The following SPEF2 variants were observed in gnomAD, a reference collection of about 807,000 sequenced individuals.
The protein encoded by SPEF2 is sperm flagella and cilia-associated protein 2.
A neutral mutation model predicts 224.6 loss-of-function variants in SPEF2; 187 were observed. The ratio of observed to expected loss-of-function variants is 0.83; its 90% confidence interval spans 0.74 to 0.94. SPEF2 has a LOEUF of 0.94. Ranked by LOEUF, SPEF2 falls within the 40% of genes least tolerant of loss-of-function variation. The pLI, the probability that SPEF2 is intolerant of heterozygous loss-of-function variation, is 0.00. For missense variants in SPEF2, 2,170 were observed against 2,135.6 expected, an observed-to-expected ratio of 1.02 and a Z score of -0.32; for synonymous variants, 715 against 707.3, an observed-to-expected ratio of 1.01 and a Z score of -0.17.
intron 21 of SPEF2, among the ~76,000 whole-genome samples, chr5:35,734,187 TG>T (rs1746137344): frequency 6.6e-6 from 1 of 152,110 alleles, no homozygotes; most frequent in Admixed American, 6.5e-5. Context: ...GTTCAGAAAC[TG>T]GGTCTTACCC....
intron 32 of SPEF2, among the ~76,000 whole-genome samples, chr5:35,794,594 ACT>A (rs1368564299): frequency 6.6e-6 from 1 of 152,148 alleles, no homozygotes; most frequent in African/African-American, 2.4e-5. Context: ...AGCAAAACTT[ACT>A]CTGTTTCCAT....
intron 23 of SPEF2, among the ~76,000 whole-genome samples, chr5:35,750,729 A>G (rs981485583): frequency 6.6e-6 from 1 of 151,970 alleles, no homozygotes; most frequent in Admixed American, 6.6e-5. Context: ...ATCAGGGAAC[A>G]CTTCTATGCT....
At chr5:35,644,163 G>A (rs1747014596) in intron 3 of SPEF2, among the ~76,000 whole-genome samples, 192 bp from the exon 4 acceptor site, 2 of 152,064 alleles carry the variant, frequency 1.3e-5, no homozygotes, top group South Asian at 2.1e-4. Flanking sequence ...GAACCACAAA[G>A]GATAATGTTT....
At chr5:35,795,461 T>C (rs768482086) in intron 32 of SPEF2, among the ~76,000 whole-genome samples, 6 of 152,162 alleles carry the variant, frequency 3.9e-5, no homozygotes, top group Non-Finnish European at 7.3e-5. Context: ...TATATACATA[T>C]ACTACAGCAC....
chr5:35,732,372 T>C (rs1745777688), intron 21 of SPEF2, among the ~76,000 whole-genome samples: 1 of 152,106 alleles, frequency 6.6e-6, no homozygotes, highest in East Asian at 1.9e-4. Flanking sequence ...TGGTGTGCTT[T>C]TTAAAAATGG....
intron 26 of SPEF2, among the ~76,000 whole-genome samples, chr5:35,768,967 A>T (rs1287668911): frequency 1.3e-5 from 2 of 152,302 alleles, no homozygotes; most frequent in African/African-American, 2.4e-5. Context: ...ATTAGTGGGT[A>T]TGCAGTGATT....
intron 16 of SPEF2, among the ~76,000 whole-genome samples, chr5:35,701,385 C>A (rs1051807821): frequency 6.6e-6 from 1 of 152,152 alleles, no homozygotes; most frequent in Admixed American, 6.6e-5. Flanking sequence ...GGTGTCACAA[C>A]CTATATGATA....
At chr5:35,754,236 T>C (rs889231727) in intron 24 of SPEF2, among the ~76,000 whole-genome samples, 3 of 152,100 alleles carry the variant, frequency 2.0e-5, no homozygotes, top group African/African-American at 7.2e-5. Flanking sequence ...GATTAACTTA[T>C]ATTTGCAGCC....
intron 26 of SPEF2, among the ~76,000 whole-genome samples, chr5:35,767,090 A>G (rs2149770282): frequency 6.6e-6 from 1 of 151,856 alleles, no homozygotes; most frequent in Non-Finnish European, 1.5e-5. Flanking sequence ...AATATTTATT[A>G]AATATCATTG....
intron 20 of SPEF2, among the ~76,000 whole-genome samples, chr5:35,717,355 G>T (rs1253346180): frequency 1.3e-5 from 2 of 152,106 alleles, no homozygotes; most frequent in Non-Finnish European, 2.9e-5. Flanking sequence ...CTTTAGTTCC[G>T]ATGCTTTGCC....
intron 10 of SPEF2, among the ~76,000 whole-genome samples, chr5:35,680,687 G>A (rs571794518): frequency 6.6e-6 from 1 of 152,292 alleles, no homozygotes; most frequent in East Asian, 1.9e-4. Context: ...GGACACATTG[G>A]AAGGGATGAA....
chr5:35,650,693 T>TGG (rs1748068181), intron 6 of SPEF2, among the ~76,000 whole-genome samples: 1 of 152,128 alleles, frequency 6.6e-6, no homozygotes, highest in East Asian at 1.9e-4. Context: ...CCAGTATCCA[T>TGG]GTCTATTGGT....
chr5:35,692,486 T>G, intron 11 of SPEF2, 84 bp from the exon 12 acceptor site: 1 of 1,066,538 alleles, frequency 9.4e-7, no homozygotes, highest in East Asian at 2.4e-5. Context: ...AAGACAGTGT[T>G]ATAGGACAAA....
At chr5:35,689,162 C>T (rs1348947161) in intron 10 of SPEF2, among the ~76,000 whole-genome samples, 2 of 152,084 alleles carry the variant, frequency 1.3e-5, no homozygotes, top group East Asian at 3.9e-4. Flanking sequence ...AGTTCTATGA[C>T]ATCTTTTTCA....
At chr5:35,744,899 G>A (rs915009443) in intron 23 of SPEF2, among the ~76,000 whole-genome samples, 32 of 152,094 alleles carry the variant, frequency 2.1e-4, no homozygotes, top group African/African-American at 7.0e-4. Flanking sequence ...CAGCAATCCC[G>A]AGAGGACTCA....
chr5:35,709,008 T>G lies in SPEF2; in HGVS notation c.2726T>G (p.Leu909Arg). The change falls in exon 19 of 37, where the codon CTT becomes CGT. Residue 909 changes from leucine to arginine, a missense_variant. Physicochemically the swap from Leu to Arg is moderately radical, Grantham distance 102 (BLOSUM62 -2). Transcript: ENST00000356031. ...EKKAAASLAE[L>R]PLPTPPPAPP... ...AAAGCAGCAGCTTCCCTGGCTGAGC[T>G]TCCACTTCCTACACCTCCTCCTGCT... is the stretch of plus-strand genomic sequence containing the variant. 2 of 1,613,766 alleles carry G rather than the reference T, an allele frequency of 1.2e-6. No homozygotes were observed. The highest frequency in any genetic ancestry group is 1.7e-6 in the Non-Finnish European group (2 of 1,179,908).
At chr5:35,712,363 G>T (rs958589523) in intron 19 of SPEF2, among the ~76,000 whole-genome samples, 5 of 151,884 alleles carry the variant, frequency 3.3e-5, no homozygotes, top group African/African-American at 1.2e-4. Context: ...ATCAATAGCC[G>T]GGACTACAGG....
chr5:35,774,224 G>A (rs1753283683), intron 28 of SPEF2, among the ~76,000 whole-genome samples: 1 of 152,062 alleles, frequency 6.6e-6, no homozygotes, highest in South Asian at 2.1e-4. Context: ...CAGATGTTTT[G>A]GCATCACCTA....
rs112167642 is a variant in SPEF2, at chr5:35,646,236, G to A, written c.586-431G>A. On this transcript the variant is annotated intron_variant, in intron 4 of 36. Transcript: ENST00000356031. ...TGGGGAAGTTTGTGATTTTTATTGG[G>A]TTTCGCAGGAGCCCTCCTAGAAACT... Among the ~76,000 whole-genome samples the A allele has an allele frequency of 2.6e-3, 391 of 152,182 alleles. 4 individuals carry two copies. Among genetic ancestry groups the A allele is most frequent in the African/African-American group, 9.1e-3 (378 of 41,538 alleles).
Sources: gnomAD v4.1 joint callset for allele counts (sites outside exome capture counted in the v4.1 genomes callset) on GRCh38, gnomAD v4.1.1 for gene constraint, MANE v1.5 for transcripts, NCBI Gene and HGNC (gene_info 2026-07-23, HGNC 2026-07-21) for gene names.